UBR4: variants seen among roughly 807,000 people sequenced by gnomAD.
UBR4 encodes the protein ubiquitin protein ligase E3 component n-recognin 4.
Under a neutral mutation model 575.6 loss-of-function variants are expected in UBR4, and 124 were observed. The observed-to-expected ratio is 0.22, with a 90% confidence interval of 0.19 to 0.25. The LOEUF (loss-of-function observed/expected upper bound fraction) is 0.25, where lower values mean the gene tolerates loss of function less well. Ranked by LOEUF, UBR4 falls within the 10% of genes least tolerant of loss-of-function variation. The pLI is 1.00. For synonymous variants in UBR4, 2,455 were observed against 2,473.7 expected, an observed-to-expected ratio of 0.99 and a Z score of 0.22; for missense variants, 4,818 against 6,478.8, an observed-to-expected ratio of 0.74 and a Z score of 8.80.
chr1:19,136,958 C>T (rs2083266060), intron 60 of UBR4, among the ~76,000 whole-genome samples: 1 of 151,712 alleles, frequency 6.6e-6, no homozygotes, highest in Admixed American at 6.6e-5. Flanking sequence ...TCTCTGATGC[C>T]TGACTGCATC....
chr1:19,145,689 T>C, intron 53 of UBR4, 104 bp downstream of exon 53: 3 of 1,385,484 alleles, frequency 2.2e-6, no homozygotes, highest in Non-Finnish European at 2.9e-6. Context: ...CTGGAAGAAA[T>C]GGATTATGAA....
In UBR4 at chr1:19,110,722, G is replaced by A. The variant is rs2079763104; in HGVS notation, c.11892+20C>T. ...GAGGGGAAGTCAGAGAGGACAGCTG[G>A]GCCTGCTAGGCCGGCTCACCAGATC... On this transcript the variant is annotated intron_variant, in intron 79 of 105. Transcript: ENST00000375254. This position sits in a 1 kb window ranked among gnomAD's most constrained non-coding sequence, Gnocchi z 4.5. 1 of 1,612,858 alleles carries A rather than the reference G, an allele frequency of 6.2e-7. No homozygotes were observed. Among genetic ancestry groups the A allele is most frequent in the South Asian group, 1.1e-5 (1 of 91,062 alleles).
intron 55 of UBR4, among the ~76,000 whole-genome samples, 177 bp from the exon 56 acceptor site, chr1:19,141,954 A>G (rs576565794): frequency 1.3e-5 from 2 of 152,326 alleles, no homozygotes; most frequent in Non-Finnish European, 2.9e-5. Context: ...TTGGACCTAC[A>G]GCATCTGGGA....
chr1:19,149,804 A>G (rs1191290551), intron 49 of UBR4: 1 of 1,288,278 alleles, frequency 7.8e-7, no homozygotes, highest in Admixed American at 2.5e-5. Flanking sequence ...AACTTGGGGG[A>G]GAAGCAAAGA....
chr1:19,113,820 G>A lies in UBR4; in HGVS notation c.11336C>T (p.Ser3779Leu), dbSNP rs2080174972. ...GGAGCTGATGCCCCCTGCTGTTCCT[G>A]AGTCATCCTGCAACCCCAAGAGGTA... ...EAAPEKPQDDSGTAGGISSTS... is the reference protein window; with the variant it reads ...EAAPEKPQDDLGTAGGISSTS... Residue 3779 changes from serine (S) to leucine (L), a missense_variant, in exon 77 of 106, where the codon TCA (serine) becomes TTA (leucine). Transcript: ENST00000375254. The A allele has an allele frequency of 1.9e-6, 3 of 1,614,202 alleles. No homozygotes were observed. The highest frequency in any genetic ancestry group is 1.7e-4 in the Middle Eastern group (1 of 6,060).
At position 19,128,294 on chromosome 1, in the gene UBR4, G is replaced by T; in HGVS notation, c.9028C>A (p.Leu3010Met). 1.2e-6 allele frequency: 2 copies of T among 1,613,902 alleles called. No homozygotes were observed. The highest frequency in any genetic ancestry group is 1.7e-6 in the Non-Finnish European group (2 of 1,179,892). The change falls in exon 62 of 106, where the codon CTG (leucine) becomes ATG (methionine). Residue 3010 changes from leucine to methionine, a missense_variant. Physicochemically the swap from Leu to Met is conservative, Grantham distance 15 (BLOSUM62 2). This residue lies in a region of UBR4 where 87 missense variants were observed against 82.8 expected (regional missense o/e 1.05). Coordinates refer to ENST00000375254, the MANE Select transcript of UBR4 (RefSeq NM_020765.3). The stretch of plus-strand genomic sequence containing the variant: ...TTGTCTTTCTCATCTTCTCCATCCA[G>T]ATCTGTAGTGAGCATTAGAATGACC... ...MQVILMLTTD[L>M]DGEDEKDKGA...
Position 19,185,283 on chromosome 1 carries a change from T to C in UBR4, c.1754A>G (p.Asp585Gly). 6.4e-7 allele frequency: 1 copy of C among 1,550,688 alleles called. No individual in the cohort carries two copies. Among genetic ancestry groups the C allele is most frequent in the Non-Finnish European group, 8.7e-7 (1 of 1,154,116 alleles). Reference sequence around the variant, plus strand: ...TTGCCCCAAAATAGGCTCACTGTCATCGTCTGAATAGAGAAAGATAAAGTA... The same window carrying C: ...TTGCCCCAAAATAGGCTCACTGTCACCGTCTGAATAGAGAAAGATAAAGTA... Reference protein sequence around the residue: ...SSTEEDSSQDDDSEPILGQWF... With the variant: ...SSTEEDSSQDGDSEPILGQWF... Residue 585 changes from aspartate (D) to glycine (G), a missense_variant, in exon 15 of 106, where the codon GAT becomes GGT. Asp to Gly is a moderately conservative substitution (Grantham distance 94). Transcript: ENST00000375254.
In UBR4 at chr1:19,074,761, C is replaced by T. The variant is rs979807161; in HGVS notation, c.*71G>A. 1 of 1,549,454 alleles carries T rather than the reference C, an allele frequency of 6.5e-7. No individual in the cohort carries two copies. The highest frequency in any genetic ancestry group is 8.9e-7 in the Non-Finnish European group (1 of 1,128,538). On this transcript the variant is annotated 3_prime_UTR_variant, in exon 106 of 106. Transcript: ENST00000375254. Reference sequence around the variant, plus strand: ...AGCATCCCGCGGAGGGAACTTAATGCACAAGGAGGGAGAACAGAGGGTGGA... The same window carrying T: ...AGCATCCCGCGGAGGGAACTTAATGTACAAGGAGGGAGAACAGAGGGTGGA...
intron 87 of UBR4, among the ~76,000 whole-genome samples, chr1:19,102,287 C>T (rs1055473451): frequency 8.6e-5 from 13 of 151,954 alleles, no homozygotes; most frequent in Admixed American, 6.6e-4. Context: ...ATGGTTTGAG[C>T]CCAGAAGGCG....
chr1:19,192,617 A>C, intron 9 of UBR4, 77 bp from the exon 10 acceptor site: 1 of 1,516,986 alleles, frequency 6.6e-7, no homozygotes, highest in Non-Finnish European at 9.1e-7. Flanking sequence ...CTACCCAAAC[A>C]ATTTAACTTG....
rs770753340 is a variant in UBR4 at position 19,192,538 on chromosome 1, G to A, written c.1146C>T (p.Leu382=). 15 of 1,614,048 alleles carry A rather than the reference G, an allele frequency of 9.3e-6. No individual in the cohort carries two copies. Among genetic ancestry groups the A allele is most frequent in the East Asian group, 2.2e-5 (1 of 44,880 alleles). ...CTTGTCCAATCATGTCATAGATTTC[G>A]AGCTGTACAATATCAAACAGACACA... ...SDAATIVQKC[L]EIYDMIGQAI... is the part of the protein sequence containing the mutation. Residue 382 remains leucine, a splice_region_variant and synonymous_variant, in exon 10 of 106, where the codon CTC becomes CTT. Coordinates refer to ENST00000375254, the MANE Select transcript of UBR4 (RefSeq NM_020765.3).
chr1:19,117,160 G>T lies in UBR4; in HGVS notation c.10823+61C>A. The T allele has an allele frequency of 6.3e-7, 1 of 1,575,736 alleles. No homozygotes were observed. The highest frequency in any genetic ancestry group is 1.3e-5 in the African/African-American group (1 of 74,416). On this transcript the variant is annotated intron_variant, in intron 73 of 105. Transcript: ENST00000375254. This position sits in a 1 kb window ranked among gnomAD's most constrained non-coding sequence, Gnocchi z 4.0. ...CCTTACTCCATTCCAGGAACCGAAG[G>T]CAGCAACTGAGCTTCAGCCTTACAA...
At position 19,160,991 on chromosome 1, in the gene UBR4, C is replaced by T. The variant is rs772859051; in HGVS notation, c.5332G>A (p.Ala1778Thr). The change falls in exon 38 of 106, where the codon GCT (alanine) becomes ACT (threonine). Residue 1778 changes from alanine to threonine, a missense_variant. Physicochemically the swap from Ala to Thr is moderately conservative, Grantham distance 58 (BLOSUM62 0). Transcript: ENST00000375254. ...AKVTISDGKV[A>T]DEEKPKKSSL... ...CTCTTCTTGGGCTTCTCTTCGTCAG[C>T]AACCTTTCCATCACTGATGGTAACC... The T allele has an allele frequency of 3.7e-6, 6 of 1,614,180 alleles. No individual in the cohort carries two copies. The highest frequency in any genetic ancestry group is 5.1e-6 in the Non-Finnish European group (6 of 1,180,028).
At chr1:19,186,013 G>A (rs773441858) in intron 14 of UBR4, among the ~76,000 whole-genome samples, 3 of 152,098 alleles carry the variant, frequency 2.0e-5, no homozygotes, top group Non-Finnish European at 2.9e-5. Context: ...ACCTCCCTTC[G>A]TATTTCACAT....
chr1:19,141,574 G>A (rs2150000291), intron 56 of UBR4, 50 bp from the exon 57 acceptor site: 3 of 1,598,306 alleles, frequency 1.9e-6, no homozygotes, highest in Non-Finnish European at 1.7e-6. Flanking sequence ...GTAACTTTTG[G>A]AAGTCCACTG....
chr1:19,113,067 A>G (rs1486583374), intron 77 of UBR4, 200 bp from the exon 78 acceptor site: 2 of 575,624 alleles, frequency 3.5e-6, no homozygotes, highest in Admixed American at 3.7e-5. Context: ...CTTGACCAAG[A>G]TAAGTGGCAG....
rs1419406913 is a variant in UBR4 at position 19,110,707 on chromosome 1, C to CA, written c.11892+34dup. ...AAACACAAGGCATGTGAGGGGAAGT[C>CA]AGAGAGGACAGCTGGGCCTGCTAGG... On this transcript the variant is annotated intron_variant, in intron 79 of 105. Transcript: ENST00000375254. This position sits in a 1 kb window ranked among gnomAD's most constrained non-coding sequence, Gnocchi z 4.5. 2 of 1,607,842 alleles carry CA rather than the reference C, an allele frequency of 1.2e-6. No individual in the cohort carries two copies. Among genetic ancestry groups the CA allele is most frequent in the Admixed American group, 3.3e-5 (2 of 60,002 alleles).
At chr1:19,167,981 T>C (rs1201454053) in intron 28 of UBR4, 46 bp downstream of exon 28, 6 of 1,518,554 alleles carry the variant, frequency 4.0e-6, no homozygotes, top group Non-Finnish European at 5.3e-6. Flanking sequence ...TTAACCACAA[T>C]AGAATACAGA....
rs561733431 is a variant in UBR4, at chr1:19,184,257, A to C, written c.1939-82T>G. Reference sequence around the variant, plus strand: ...TAAACTCTGATTACAAATAGAAAATAAAATATGCTCATAGGTATCCTGCAA... The same window carrying C: ...TAAACTCTGATTACAAATAGAAAATCAAATATGCTCATAGGTATCCTGCAA... On this transcript the variant is annotated intron_variant, in intron 15 of 105. Coordinates refer to ENST00000375254, the MANE Select transcript of UBR4 (RefSeq NM_020765.3). 1.9e-5 allele frequency: 27 copies of C among 1,435,078 alleles called. No homozygotes were observed. The South Asian group carries it at 3.6e-4, about 19-fold the overall frequency. 88.9% of individuals were successfully genotyped at this position (1,435,078 alleles called of 1,614,324 possible). A position where few individuals can be genotyped will look rare whatever the true frequency, so the allele number is the denominator to read the frequency against.
Sources: allele counts gnomAD v4.1 joint callset (sites outside exome capture counted in the v4.1 genomes callset), GRCh38; gene constraint gnomAD v4.1.1; regional missense constraint gnomAD v4.1.1; non-coding constraint Gnocchi (gnomAD v3.1); transcripts MANE v1.5; gene names NCBI Gene and HGNC (gene_info 2026-07-23, HGNC 2026-07-21).